RBFOX1: variants seen among roughly 807,000 people sequenced by gnomAD.
RBFOX1 encodes RNA binding fox-1 homolog 1.
Under a neutral mutation model 57.7 loss-of-function variants are expected in RBFOX1, and 8 were observed. The observed-to-expected ratio is 0.14, with a 90% CI of 0.08 to 0.25. The LOEUF is 0.25. Ranked by LOEUF, RBFOX1 falls within the 10% of genes least tolerant of loss-of-function variation. RBFOX1 has a pLI of 1.00. For synonymous variants in RBFOX1, 326 were observed against 222.4 expected, an observed-to-expected ratio of 1.47 and a Z score of -4.15; for missense variants, 611 against 548.5, an observed-to-expected ratio of 1.11 and a Z score of -1.14.
At position 5,947,091 on chromosome 16, in the gene RBFOX1, C is replaced by G. The variant is rs1473592255; in HGVS notation, c.351+79756C>G. Among the ~76,000 whole-genome samples the G allele has an allele frequency of 6.6e-6, 1 of 152,154 alleles. No homozygotes were observed. The highest frequency in any genetic ancestry group is 1.5e-5 in the Non-Finnish European group (1 of 68,030). On this transcript the variant is annotated intron_variant, in intron 4 of 19. Coordinates refer to the RBFOX1 transcript ENST00000641259. This position sits in a 1 kb window ranked among gnomAD's most constrained non-coding sequence, Gnocchi z 7.2. ...AAATCATCCCATGTGGTTGTGCATA[C>G]TGTAGTCCCAGATACTCAGGAGGCT...
chr16:6,275,254 T>C (rs920342127), intron 1 of RBFOX1, among the ~76,000 whole-genome samples: 2 of 151,462 alleles, frequency 1.3e-5, no homozygotes, highest in Non-Finnish European at 2.9e-5. Context: ...GAGCTTGCAG[T>C]GAGCCGAGAT....
intron 2 of RBFOX1, among the ~76,000 whole-genome samples, chr16:6,537,314 G>A (rs148248116): frequency 7.2e-5 from 11 of 152,268 alleles, no homozygotes; most frequent in South Asian, 2.1e-4. Context: ...GTATTTGTAC[G>A]TGGATGTCTC....
intron 2 of RBFOX1, among the ~76,000 whole-genome samples, chr16:5,515,784 T>C (rs1318018821): frequency 6.6e-6 from 1 of 152,196 alleles, no homozygotes; most frequent in Non-Finnish European, 1.5e-5. Flanking sequence ...AAAAGTACCA[T>C]GCCATTCAGC....
chr16:6,036,289 A>G (rs1169519668), intron 1 of RBFOX1, among the ~76,000 whole-genome samples: 1 of 152,224 alleles, frequency 6.6e-6, no homozygotes. Context: ...CTTCTGATGT[A>G]TAAAGGCATG....
At chr16:5,654,790 CCTCTCT>C (rs143669657) in intron 3 of RBFOX1, among the ~76,000 whole-genome samples, 6 of 149,592 alleles carry the variant, frequency 4.0e-5, no homozygotes, top group Non-Finnish European at 9.0e-5. Flanking sequence ...TTCCTTCTTT[CCTCTCT>C]CTCTCTCTCT....
intron 4 of RBFOX1, among the ~76,000 whole-genome samples, chr16:7,348,874 G>A (rs1456247008): frequency 3.3e-5 from 5 of 152,052 alleles, no homozygotes; most frequent in African/African-American, 7.2e-5. Context: ...CCCAGGAGGC[G>A]GAGGTTTCAG....
intron 4 of RBFOX1, among the ~76,000 whole-genome samples, chr16:7,204,131 G>T (rs897680239): frequency 3.3e-5 from 5 of 152,180 alleles, no homozygotes; most frequent in African/African-American, 1.2e-4. Context: ...CACCCACAGG[G>T]TATCTGCAGA....
chr16:6,517,341 C>G (rs78890616), intron 2 of RBFOX1, among the ~76,000 whole-genome samples: 1 of 152,126 alleles, frequency 6.6e-6, no homozygotes, highest in Non-Finnish European at 1.5e-5. Context: ...CATCCTGATC[C>G]GAATACATCT....
At chr16:6,769,542 C>A (rs79476019) in intron 3 of RBFOX1, among the ~76,000 whole-genome samples, 32,963 of 152,148 alleles carry the variant, frequency 0.22, 4,746 homozygotes, top group African/African-American at 0.38. Flanking sequence ...AAACATCAGG[C>A]TGTTTCCTGT....
At chr16:7,258,035 G>C (rs1015081986) in intron 4 of RBFOX1, among the ~76,000 whole-genome samples, 1 of 152,182 alleles carries the variant, frequency 6.6e-6, no homozygotes. Flanking sequence ...AGCACAACTG[G>C]TAGCTTTAGG....
chr16:7,459,500 A>G (rs11646478), intron 4 of RBFOX1, among the ~76,000 whole-genome samples: 78,769 of 151,992 alleles, frequency 0.52, 20,780 homozygotes, highest in East Asian at 0.77. Context: ...ATTATTGTAC[A>G]TTTCCTGTTG....
At chr16:6,701,383 A>G (rs753209574) in intron 3 of RBFOX1, among the ~76,000 whole-genome samples, 65 of 152,218 alleles carry the variant, frequency 4.3e-4, no homozygotes, top group Admixed American at 2.7e-3. Flanking sequence ...TACTGACTCC[A>G]CAAAGTGGGA....
intron 2 of RBFOX1, among the ~76,000 whole-genome samples, chr16:6,377,712 G>A (rs548420064): frequency 3.5e-4 from 54 of 152,302 alleles, no homozygotes; most frequent in Non-Finnish European, 7.4e-4. Context: ...CTATTTAAAT[G>A]CAAATTTTGA....
chr16:6,289,064 A>G (rs9926285), intron 1 of RBFOX1, among the ~76,000 whole-genome samples: 3,315 of 152,174 alleles, frequency 0.022, 134 homozygotes, highest in African/African-American at 0.076. Flanking sequence ...TATGCCCTTG[A>G]TTTGTGTTCA....
chr16:5,437,680 A>G (rs879637642), intron 1 of RBFOX1, among the ~76,000 whole-genome samples: 1 of 152,244 alleles, frequency 6.6e-6, no homozygotes, highest in Non-Finnish European at 1.5e-5. Context: ...AAATCCGTCT[A>G]TGGTAAAACT....
intron 4 of RBFOX1, among the ~76,000 whole-genome samples, chr16:7,443,163 A>G (rs1441834582): frequency 6.6e-6 from 1 of 152,170 alleles, no homozygotes; most frequent in African/African-American, 2.4e-5. Flanking sequence ...ACACCCGTCA[A>G]TTCTAGGATC....
chr16:5,689,203 G>A (rs8063894), intron 3 of RBFOX1, among the ~76,000 whole-genome samples: 33,580 of 152,136 alleles, frequency 0.22, 5,349 homozygotes, highest in East Asian at 0.81. Flanking sequence ...TGCTCAGTAT[G>A]GCACTCATTA....
At chr16:6,714,614 A>G (rs1208746507) in intron 3 of RBFOX1, among the ~76,000 whole-genome samples, 1 of 152,092 alleles carries the variant, frequency 6.6e-6, no homozygotes, top group African/African-American at 2.4e-5. Flanking sequence ...AGCATCAAGA[A>G]GAAATGCAGG....
intron 4 of RBFOX1, among the ~76,000 whole-genome samples, chr16:7,422,048 T>A (rs2098547812): frequency 6.6e-6 from 1 of 152,198 alleles, no homozygotes. Context: ...TCAGTTATTA[T>A]GCTGTAGGAG....
Sources: gnomAD v4.1 joint callset for allele counts (sites outside exome capture counted in the v4.1 genomes callset) on GRCh38, gnomAD v4.1.1 for gene constraint, Gnocchi (gnomAD v3.1) non-coding constraint, MANE v1.5 for transcripts, NCBI Gene and HGNC (gene_info 2026-07-23, HGNC 2026-07-21) for gene names.